Variants in UNC13C observed in about 807,000 individuals in gnomAD.
The protein encoded by UNC13C is protein unc-13 homolog C.
Under a neutral mutation model 245.4 loss-of-function variants are expected in UNC13C, and 174 were observed. That is an observed-to-expected ratio of 0.71 (90% CI 0.63 to 0.80). UNC13C has a LOEUF of 0.80. UNC13C is among the 30% of genes least tolerant of loss of function. The pLI, the probability that UNC13C is intolerant of heterozygous loss-of-function variation, is 0.00. For synonymous variants in UNC13C, 992 were observed against 895.1 expected (o/e 1.11, Z -1.93); for missense variants, 2,829 against 2,602.9 (o/e 1.09, Z -1.89).
At chr15:54,561,287 A>AATG (rs145050355) in intron 29 of UNC13C, among the ~76,000 whole-genome samples, 8,433 of 149,986 alleles carry the variant, frequency 0.056, 360 homozygotes, top group Admixed American at 0.13. Flanking sequence ...AAAATGAAAT[A>AATG]ATGATACATG....
chr15:54,041,622 A>G (rs1055847338), intron 2 of UNC13C, among the ~76,000 whole-genome samples: 5 of 152,204 alleles, frequency 3.3e-5, no homozygotes, highest in African/African-American at 1.2e-4. Flanking sequence ...CTTGGATTTA[A>G]TACCAGCTCT....
At chr15:54,408,011 TGA>T (rs2040333830) in intron 18 of UNC13C, among the ~76,000 whole-genome samples, 2 of 151,402 alleles carry the variant, frequency 1.3e-5, no homozygotes, top group Non-Finnish European at 2.9e-5. Context: ...ACCATCCTGG[TGA>T]ACACGGTGAA....
upstream of UNC13C, among the ~76,000 whole-genome samples, chr15:53,978,318 G>C (rs546956534): frequency 6.6e-6 from 1 of 152,226 alleles, no homozygotes; most frequent in African/African-American, 2.4e-5. Context: ...GCTACAGTGC[G>C]TCTCCTGTGA....
rs774052519 is a variant in UNC13C at position 54,050,364 on chromosome 15, G to T, written c.2983+34478G>T. 5.4e-6 allele frequency: 3 copies of T among 559,930 alleles called. No individual in the cohort carries two copies. The Admixed American group carries it at 5.7e-5, about 11-fold the overall frequency. The allele number at this position is 559,930 out of a possible 1,614,324, so 34.7% of individuals were successfully genotyped here. On this transcript the variant is annotated intron_variant, in intron 2 of 32. Coordinates refer to ENST00000260323, the MANE Select transcript of UNC13C (RefSeq NM_001080534.3). ...ACTACTGAATACCATTCCTCAGAAGGCACTCCTCCTTTTTCTGTACTTGAT... is the reference window on the plus strand; with the variant it reads ...ACTACTGAATACCATTCCTCAGAAGTCACTCCTCCTTTTTCTGTACTTGAT...
intron 24 of UNC13C, among the ~76,000 whole-genome samples, chr15:54,519,212 G>C (rs1895112095): frequency 6.6e-6 from 1 of 152,026 alleles, no homozygotes; most frequent in African/African-American, 2.4e-5. Flanking sequence ...TGAAGTAGAG[G>C]AATAGTGTAT....
the UNC13C span, among the ~76,000 whole-genome samples, chr15:53,898,858 C>T: frequency 6.6e-6 from 1 of 152,080 alleles, no homozygotes; most frequent in African/African-American, 2.4e-5. Context: ...ATAACTATGA[C>T]TATATTCGCT....
intron 26 of UNC13C, among the ~76,000 whole-genome samples, chr15:54,542,644 G>C (rs1896299069): frequency 6.6e-6 from 1 of 152,074 alleles, no homozygotes. Context: ...AAGTCTCTTT[G>C]TAGGTCTCTA....
intron 1 of UNC13C, among the ~76,000 whole-genome samples, chr15:53,987,794 C>T (rs1463959223): frequency 1.3e-5 from 2 of 151,994 alleles, no homozygotes; most frequent in African/African-American, 2.4e-5. Context: ...TGCTGTGTGC[C>T]TTAGGCTATC....
intron 19 of UNC13C, among the ~76,000 whole-genome samples, chr15:54,442,815 G>A (rs1384520453): frequency 6.6e-6 from 1 of 152,046 alleles, no homozygotes; most frequent in African/African-American, 2.4e-5. Flanking sequence ...GGATTTGTTA[G>A]CTGGTATTTT....
chr15:54,431,390 C>G (rs1262756942), intron 19 of UNC13C, among the ~76,000 whole-genome samples: 1 of 151,224 alleles, frequency 6.6e-6, no homozygotes, highest in African/African-American at 2.4e-5. Flanking sequence ...TCTCCTTTTT[C>G]CATTAATGGC....
chr15:54,144,207 A>G (rs1353593531), intron 4 of UNC13C, among the ~76,000 whole-genome samples: 1 of 152,226 alleles, frequency 6.6e-6, no homozygotes, highest in African/African-American at 2.4e-5. Context: ...AAATTCAAGC[A>G]GCCTCGTCTT....
At chr15:54,082,401 C>T (rs1479573685) in intron 2 of UNC13C, among the ~76,000 whole-genome samples, 2 of 152,030 alleles carry the variant, frequency 1.3e-5, no homozygotes, top group Non-Finnish European at 2.9e-5. Flanking sequence ...TATCATAATG[C>T]CGATTAGTCA....
Position 54,442,308 on chromosome 15 carries a change from T to C in UNC13C, c.4933+27241T>C, listed in dbSNP as rs1018966173. Among the ~76,000 whole-genome samples the C allele has an allele frequency of 2.0e-5, 3 of 149,026 alleles. No homozygotes were observed. In the Admixed American group the frequency reaches 2.0e-4, roughly 10 times the overall value. ...CTCTGTTGCCCAGGCTGGAGTGCACTGGCTCCCAGATTCAAGCGATTCTTC... is the reference window on the plus strand; with the variant it reads ...CTCTGTTGCCCAGGCTGGAGTGCACCGGCTCCCAGATTCAAGCGATTCTTC... On this transcript the variant is annotated intron_variant, in intron 19 of 32. Transcript: ENST00000260323.
intron 2 of UNC13C, among the ~76,000 whole-genome samples, chr15:54,124,246 G>A (rs1343964914): frequency 6.6e-6 from 1 of 152,162 alleles, no homozygotes; most frequent in East Asian, 1.9e-4. Context: ...ATGAGTGTAT[G>A]TTTAGCTTTA....
At chr15:54,474,907 T>C (rs2414320) in intron 19 of UNC13C, among the ~76,000 whole-genome samples, 62,527 of 151,316 alleles carry the variant, frequency 0.41, 13,185 homozygotes, top group East Asian at 0.63. Context: ...GGAAGGGAGG[T>C]GCCAGACACA....
intron 18 of UNC13C, among the ~76,000 whole-genome samples, chr15:54,413,836 G>T (rs947973715): frequency 6.6e-6 from 1 of 152,114 alleles, no homozygotes; most frequent in African/African-American, 2.4e-5. Context: ...CCCCAAATGT[G>T]GATGAATGTG....
intron 2 of UNC13C, among the ~76,000 whole-genome samples, chr15:54,114,636 A>T (rs2141181741): frequency 6.6e-6 from 1 of 152,284 alleles, no homozygotes; most frequent in Non-Finnish European, 1.5e-5. Context: ...TTGCTACTGC[A>T]AATAATGCAG....
chr15:54,172,000 C>A (rs1377592166), intron 4 of UNC13C, among the ~76,000 whole-genome samples: 1 of 151,976 alleles, frequency 6.6e-6, no homozygotes, highest in Non-Finnish European at 1.5e-5. Flanking sequence ...TGAAATAAAC[C>A]AGGCACAGAA....
intron 17 of UNC13C, among the ~76,000 whole-genome samples, chr15:54,379,957 C>T (rs1285844032): frequency 6.6e-6 from 1 of 152,088 alleles, no homozygotes; most frequent in African/African-American, 2.4e-5. Flanking sequence ...TTGATATATA[C>T]ATTGCCTCAC....
Sources: gnomAD v4.1 joint callset for allele counts (sites outside exome capture counted in the v4.1 genomes callset) on GRCh38, gnomAD v4.1.1 for gene constraint, MANE v1.5 for transcripts, NCBI Gene and HGNC (gene_info 2026-07-23, HGNC 2026-07-21) for gene names.